The following SCPEP1 variants were observed in gnomAD, a reference collection of about 807,000 sequenced individuals.
The protein encoded by SCPEP1 is retinoid-inducible serine carboxypeptidase.
SCPEP1 carries 51 observed loss-of-function variants against 63.8 expected under a neutral mutation model. That is an observed-to-expected ratio of 0.80 (90% CI 0.64 to 1.01). SCPEP1 has a LOEUF of 1.01. Ranked by LOEUF, SCPEP1 falls within the 50% of genes least tolerant of loss-of-function variation. The pLI, the probability that SCPEP1 is intolerant of heterozygous loss-of-function variation, is 0.00. For synonymous variants in SCPEP1, 204 were observed against 207.8 expected, an observed-to-expected ratio of 0.98 and a Z score of 0.16; for missense variants, 499 against 554.9, an observed-to-expected ratio of 0.90 and a Z score of 1.01.
chr17:57,003,772 G>A (rs561875347), intron 12 of SCPEP1, among the ~76,000 whole-genome samples: 4 of 152,268 alleles, frequency 2.6e-5, no homozygotes, highest in East Asian at 1.9e-4. Flanking sequence ...TGGCACCTGC[G>A]TTGGTGAGAT....
intron 9 of SCPEP1, 32 bp from the exon 10 acceptor site, chr17:56,998,353 C>G (rs2144503291): frequency 6.7e-7 from 1 of 1,496,104 alleles, no homozygotes; most frequent in Non-Finnish European, 9.3e-7. Flanking sequence ...ACTTCCAGCC[C>G]TTTGACTCAC....
intron 2 of SCPEP1, 118 bp from the exon 3 acceptor site, chr17:56,985,260 T>C: frequency 1.3e-6 from 1 of 747,254 alleles, no homozygotes; most frequent in Non-Finnish European, 2.3e-6. Flanking sequence ...AATTGTGTCT[T>C]TTGTGCAAAT....
chr17:56,992,826 CA>C (rs1419245241), intron 6 of SCPEP1, among the ~76,000 whole-genome samples: 1 of 152,206 alleles, frequency 6.6e-6, no homozygotes, highest in African/African-American at 2.4e-5. Flanking sequence ...CACCTTGCTA[CA>C]TTGTCTCTCC....
At chr17:56,993,871 T>TACC (rs1157759510) in intron 6 of SCPEP1, among the ~76,000 whole-genome samples, 2 of 152,226 alleles carry the variant, frequency 1.3e-5, no homozygotes, top group Non-Finnish European at 2.9e-5. Context: ...ACAGAAAGTT[T>TACC]ACCAGTCTCT....
intron 10 of SCPEP1, among the ~76,000 whole-genome samples, chr17:56,999,283 C>G (rs1254027829): frequency 2.6e-5 from 4 of 152,130 alleles, no homozygotes; most frequent in Admixed American, 2.0e-4. Context: ...CATCCTGATG[C>G]TGGATATGGC....
intron 3 of SCPEP1, among the ~76,000 whole-genome samples, chr17:56,985,813 C>G (rs569736245): frequency 1.3e-5 from 2 of 152,024 alleles, no homozygotes; most frequent in African/African-American, 2.4e-5. Context: ...AGCCACAGCC[C>G]CCAGTCCTTT....
At chr17:57,003,815 T>C (rs934003456) in intron 12 of SCPEP1, among the ~76,000 whole-genome samples, 3 of 152,004 alleles carry the variant, frequency 2.0e-5, no homozygotes, top group East Asian at 1.9e-4. Context: ...AGAAGCCAGA[T>C]TGGAAAGACT....
chr17:57,000,752 C>G (rs898078399), intron 10 of SCPEP1, 103 bp from the exon 11 acceptor site: 40 of 1,327,992 alleles, frequency 3.0e-5, no homozygotes, highest in Admixed American at 3.0e-4. Flanking sequence ...TCTGTGCATT[C>G]AGTCGTTGTT....
At chr17:56,980,462 T>A (rs1174356305) in intron 1 of SCPEP1, among the ~76,000 whole-genome samples, 2 of 152,234 alleles carry the variant, frequency 1.3e-5, no homozygotes, top group Non-Finnish European at 2.9e-5. Context: ...TATTGCATTC[T>A]GAGATTTTTA....
chr17:56,981,641 G>T (rs1317054567), intron 2 of SCPEP1, among the ~76,000 whole-genome samples: 1 of 151,984 alleles, frequency 6.6e-6, no homozygotes, highest in Non-Finnish European at 1.5e-5. Context: ...ATAGTGAAAC[G>T]CTGTCTCTAC....
intron 9 of SCPEP1, 67 bp downstream of exon 9, chr17:56,997,122 A>T (rs1054358294): frequency 7.5e-5 from 33 of 438,330 alleles, no homozygotes; most frequent in Middle Eastern, 8.1e-4. Context: ...CCTGTTTATT[A>T]AAAAAAAAAA....
At chr17:56,994,324 A>C (rs538083232) in intron 6 of SCPEP1, among the ~76,000 whole-genome samples, 4 of 152,208 alleles carry the variant, frequency 2.6e-5, no homozygotes, top group African/African-American at 9.6e-5. Flanking sequence ...TGTCTTACCT[A>C]GTGATACAGT....
chr17:56,997,699 C>T (rs967297247), intron 9 of SCPEP1, among the ~76,000 whole-genome samples: 10 of 151,990 alleles, frequency 6.6e-5, no homozygotes, highest in South Asian at 4.2e-4. Context: ...GCATTATTTC[C>T]CTTCCCACCC....
chr17:56,982,821 T>A (rs1911108303), intron 2 of SCPEP1: 1 of 152,192 alleles, frequency 6.6e-6, no homozygotes, highest in Admixed American at 6.5e-5. Context: ...AGGCTGAGGC[T>A]TCTCCTTTGA....
At chr17:57,003,914 C>T (rs1433975668) in intron 12 of SCPEP1, among the ~76,000 whole-genome samples, 2 of 152,134 alleles carry the variant, frequency 1.3e-5, no homozygotes, top group Non-Finnish European at 2.9e-5. Flanking sequence ...GACACTTAAT[C>T]TAGGCTGGGT....
intron 1 of SCPEP1, among the ~76,000 whole-genome samples, chr17:56,979,518 A>G (rs772398734): frequency 6.6e-6 from 1 of 152,014 alleles, no homozygotes; most frequent in East Asian, 1.9e-4. Flanking sequence ...AAAAGATGCT[A>G]TAACTTGGAA....
At chr17:57,005,384 T>A (rs780653316) in intron 12 of SCPEP1, among the ~76,000 whole-genome samples, 1 of 152,190 alleles carries the variant, frequency 6.6e-6, no homozygotes, top group Non-Finnish European at 1.5e-5. Context: ...GGGGACAGGC[T>A]TAAAATAGCC....
chr17:56,992,089 G>T (rs1036442785), intron 6 of SCPEP1, among the ~76,000 whole-genome samples: 2 of 152,230 alleles, frequency 1.3e-5, no homozygotes, highest in Non-Finnish European at 2.9e-5. Flanking sequence ...ATTGCAGGGG[G>T]TGGTTACACG....
intron 11 of SCPEP1, 130 bp downstream of exon 11, chr17:57,001,122 A>C (rs1911729177): frequency 2.1e-6 from 2 of 975,262 alleles, no homozygotes; most frequent in South Asian, 2.9e-5. Context: ...TTCCCATTAC[A>C]TCCGTCTACC....
Sources: gnomAD v4.1 joint callset for allele counts (sites outside exome capture counted in the v4.1 genomes callset) on GRCh38, gnomAD v4.1.1 for gene constraint, MANE v1.5 for transcripts, NCBI Gene and HGNC (gene_info 2026-07-23, HGNC 2026-07-21) for gene names.